NDUFA12: variants seen among roughly 807,000 people sequenced by gnomAD.
NDUFA12 encodes the protein NADH dehydrogenase [ubiquinone] 1 alpha subcomplex subunit 12.
A neutral mutation model predicts 20.3 loss-of-function variants in NDUFA12; 17 were observed. The observed-to-expected ratio is 0.84, with a 90% CI of 0.57 to 1.26. The LOEUF (loss-of-function observed/expected upper bound fraction) is 1.26, where lower values mean the gene tolerates loss of function less well. NDUFA12 is among the 50% of genes most tolerant of loss of function. NDUFA12 has a pLI of 0.00. For missense variants in NDUFA12, 191 were observed against 183.7 expected, an observed-to-expected ratio of 1.04 and a Z score of -0.23; for synonymous variants, 72 against 63.6, an observed-to-expected ratio of 1.13 and a Z score of -0.63.
Position 94,994,510 on chromosome 12 carries a change from CAG to C in NDUFA12, c.170-255_170-254del, listed in dbSNP as rs1367868564. Among the ~76,000 whole-genome samples, 10 of 152,286 alleles carry C rather than the reference CAG, an allele frequency of 6.6e-5. No homozygotes were observed. In the South Asian group the frequency reaches 2.1e-3, roughly 32 times the overall value. ...GTGGGTGGGGCTCAGGCCTTTCCCA[CAG>C]GGGAGAATCCTTGCTTCCCTGCCAG... On this transcript the variant is annotated intron_variant, in intron 2 of 3. Transcript: ENST00000327772.
At chr12:94,979,788 T>G (rs914498798) in intron 3 of NDUFA12, among the ~76,000 whole-genome samples, 8 of 150,312 alleles carry the variant, frequency 5.3e-5, no homozygotes, top group African/African-American at 9.8e-5. Flanking sequence ...TGAGCTGAGA[T>G]CATGCCACTG....
At chr12:94,975,059 G>A (rs2136058295) in intron 3 of NDUFA12, among the ~76,000 whole-genome samples, 1 of 152,232 alleles carries the variant, frequency 6.6e-6, no homozygotes, top group Admixed American at 6.5e-5. Flanking sequence ...TGAAGGGATG[G>A]GTACCCCATT....
At chr12:94,983,786 T>C (rs1874319148) in intron 3 of NDUFA12, among the ~76,000 whole-genome samples, 1 of 152,160 alleles carries the variant, frequency 6.6e-6, no homozygotes, top group Non-Finnish European at 1.5e-5. Context: ...GTGAGTAGCC[T>C]GCTTCCACAC....
chr12:94,995,213 A>T (rs956941903), intron 2 of NDUFA12, among the ~76,000 whole-genome samples: 4 of 152,226 alleles, frequency 2.6e-5, no homozygotes, highest in Non-Finnish European at 1.5e-5. Context: ...ACAAAAATTG[A>T]CTAACGGTAC....
intron 3 of NDUFA12, among the ~76,000 whole-genome samples, chr12:94,989,939 T>C (rs1365352): frequency 0.87 from 132,330 of 152,112 alleles, 57,665 homozygotes; most frequent in Admixed American, 0.9. Context: ...ACATGCCTTC[T>C]ATAGCCTCCC....
intron 3 of NDUFA12, among the ~76,000 whole-genome samples, chr12:94,988,164 A>C (rs775240174): frequency 3.9e-5 from 6 of 152,168 alleles, no homozygotes; most frequent in Admixed American, 2.0e-4. Context: ...CTCTTATATT[A>C]AATAAATTTG....
chr12:94,974,253 C>T (rs565370825), intron 3 of NDUFA12, among the ~76,000 whole-genome samples: 1 of 152,036 alleles, frequency 6.6e-6, no homozygotes, highest in African/African-American at 2.4e-5. Flanking sequence ...ATTAAGGCTA[C>T]CGCTCTGGTC....
At chr12:94,993,427 C>T (rs1356218391) in intron 3 of NDUFA12, among the ~76,000 whole-genome samples, 1 of 150,298 alleles carries the variant, frequency 6.7e-6, no homozygotes, top group Non-Finnish European at 1.5e-5. Flanking sequence ...GAGTTCAAGA[C>T]CAGCCTGGCC....
At chr12:94,988,394 A>C (rs946740931) in intron 3 of NDUFA12, among the ~76,000 whole-genome samples, 6 of 152,358 alleles carry the variant, frequency 3.9e-5, no homozygotes, top group Middle Eastern at 3.4e-3. Context: ...ACTTACTTTT[A>C]TTAAAATATT....
At chr12:94,978,822 T>C (rs1874142924) in intron 3 of NDUFA12, among the ~76,000 whole-genome samples, 1 of 152,156 alleles carries the variant, frequency 6.6e-6, no homozygotes, top group Non-Finnish European at 1.5e-5. Flanking sequence ...TAATAAATAG[T>C]ATATTAATTT....
chr12:94,982,674 TC>T (rs1436923688), intron 3 of NDUFA12, among the ~76,000 whole-genome samples: 2 of 152,070 alleles, frequency 1.3e-5, no homozygotes, highest in African/African-American at 4.8e-5. Context: ...AGCTTTACGC[TC>T]CACCAGAGCC....
chr12:94,989,364 ATTGTATCTG>A (rs1874558928), intron 3 of NDUFA12, among the ~76,000 whole-genome samples: 1 of 152,210 alleles, frequency 6.6e-6, no homozygotes, highest in South Asian at 2.1e-4. Flanking sequence ...GGGATGATAA[ATTGTATCTG>A]TACAATTACT....
chr12:94,976,959 C>A (rs1274781688), intron 3 of NDUFA12, among the ~76,000 whole-genome samples: 1 of 152,058 alleles, frequency 6.6e-6, no homozygotes, highest in African/African-American at 2.4e-5. Context: ...TTTTAAAAAT[C>A]AAAACAATCT....
chr12:94,973,968 C>CTT (rs35862087), intron 3 of NDUFA12, among the ~76,000 whole-genome samples: 8,126 of 100,866 alleles, frequency 0.081, 384 homozygotes, highest in East Asian at 0.14. Context: ...ACTCTTGGGT[C>CTT]TTTTTTTTTT....
intron 3 of NDUFA12, among the ~76,000 whole-genome samples, chr12:94,981,449 A>G (rs1874238469): frequency 6.6e-6 from 1 of 152,246 alleles, no homozygotes; most frequent in Admixed American, 6.5e-5. Context: ...CACTGCCTCA[A>G]AATAAAATAA....
chr12:94,992,852 T>C (rs1047025987), intron 3 of NDUFA12, among the ~76,000 whole-genome samples: 1 of 152,128 alleles, frequency 6.6e-6, no homozygotes, highest in African/African-American at 2.4e-5. Flanking sequence ...GAGCAGAGAC[T>C]AGCCACCCTC....
At chr12:94,999,563 T>C (rs895330779) in intron 2 of NDUFA12, among the ~76,000 whole-genome samples, 2 of 152,084 alleles carry the variant, frequency 1.3e-5, no homozygotes, top group African/African-American at 2.4e-5. Flanking sequence ...GGAGAAAATA[T>C]TTGCAAACTA....
At chr12:94,987,621 T>C (rs1255695732) in intron 3 of NDUFA12, among the ~76,000 whole-genome samples, 1 of 151,820 alleles carries the variant, frequency 6.6e-6, no homozygotes, top group African/African-American at 2.4e-5. Context: ...GCCAACATGA[T>C]GAAACCCCGT....
chr12:94,989,710 C>T (rs1874572826), intron 3 of NDUFA12, among the ~76,000 whole-genome samples: 1 of 152,236 alleles, frequency 6.6e-6, no homozygotes, highest in Non-Finnish European at 1.5e-5. Flanking sequence ...CAGCTCTTAG[C>T]TTCATTTTCA....
Sources: allele counts gnomAD v4.1 joint callset (sites outside exome capture counted in the v4.1 genomes callset), GRCh38; gene constraint gnomAD v4.1.1; transcripts MANE v1.5; gene names NCBI Gene and HGNC (gene_info 2026-07-23, HGNC 2026-07-21).